CFAP70: variants seen among roughly 807,000 people sequenced by gnomAD.
CFAP70 encodes the protein cilia- and flagella-associated protein 70.
In CFAP70, 81 loss-of-function variants were observed where a neutral mutation model predicts 137.6. The observed-to-expected ratio is 0.59, with a 90% CI of 0.49 to 0.71. The LOEUF is 0.71. CFAP70 is among the 30% of genes least tolerant of loss of function. The pLI is 0.00. For synonymous variants in CFAP70, 382 were observed against 423.6 expected (o/e 0.90, Z 1.20); for missense variants, 976 against 1,226.7 (o/e 0.80, Z 3.05).
At chr10:73,323,804 A>C (rs2051116813) in intron 8 of CFAP70, among the ~76,000 whole-genome samples, 2 of 152,228 alleles carry the variant, frequency 1.3e-5, no homozygotes, top group Non-Finnish European at 2.9e-5. Context: ...AGGCTTGCTT[A>C]GGTAAACAAA....
intron 9 of CFAP70, among the ~76,000 whole-genome samples, chr10:73,315,769 T>G (rs2050290174): frequency 6.6e-6 from 1 of 152,180 alleles, no homozygotes; most frequent in Non-Finnish European, 1.5e-5. Flanking sequence ...TTTTGCCATT[T>G]TGCCAGGCTG....
At chr10:73,358,618 G>A (rs1486798727) in intron 1 of CFAP70, 160 bp downstream of exon 1, 1 of 152,514 alleles carries the variant, frequency 6.6e-6, no homozygotes, top group Non-Finnish European at 1.5e-5. Context: ...TTAGCTAAGG[G>A]AGCAGAAGAT....
chr10:73,298,446 T>C (rs1814498300), intron 14 of CFAP70, among the ~76,000 whole-genome samples: 1 of 152,212 alleles, frequency 6.6e-6, no homozygotes, highest in South Asian at 2.1e-4. Context: ...AAGTAAAATG[T>C]AATGCCAGTA....
intron 3 of CFAP70, among the ~76,000 whole-genome samples, chr10:73,352,552 G>A (rs904402337): frequency 1.3e-5 from 2 of 151,916 alleles, no homozygotes; most frequent in African/African-American, 2.4e-5. Context: ...GGATATATAA[G>A]GCAAAAAGAA....
At chr10:73,327,726 T>C (rs186769009) in intron 8 of CFAP70, among the ~76,000 whole-genome samples, 22,769 of 151,158 alleles carry the variant, frequency 0.15, 2,811 homozygotes, top group African/African-American at 0.32. Flanking sequence ...CATGAGTGAA[T>C]TCCCATTCAC....
intron 3 of CFAP70, among the ~76,000 whole-genome samples, chr10:73,351,071 G>GTATATATATATATA (rs1158760266): frequency 1.6e-4 from 5 of 31,380 alleles, no homozygotes; most frequent in Non-Finnish European, 3.4e-4. Context: ...GTGTGTGTGT[G>GTATATATATATATA]TATATATATA....
chr10:73,310,274 A>T, intron 11 of CFAP70, 25 bp from the exon 13 acceptor site: 1 of 1,521,484 alleles, frequency 6.6e-7, no homozygotes, highest in Non-Finnish European at 9.0e-7. Flanking sequence ...TTTTCTTATT[A>T]TTTCCAGAAA....
intron 15 of CFAP70, chr10:73,295,056 GC>G (rs1423286508): frequency 6.6e-6 from 1 of 152,314 alleles, no homozygotes; most frequent in Non-Finnish European, 1.5e-5. Flanking sequence ...GGTGGCTCAT[GC>G]CTGTAATCCC....
At chr10:73,255,172 G>A (rs1471751264) in intron 26 of CFAP70, among the ~76,000 whole-genome samples, 10 of 152,240 alleles carry the variant, frequency 6.6e-5, no homozygotes, top group Middle Eastern at 3.4e-3. Context: ...GCCGAGGCGG[G>A]GGGATCACAA....
At chr10:73,269,783 A>G (rs1002042309) in intron 24 of CFAP70, 68 bp from the exon 26 acceptor site, 4 of 880,674 alleles carry the variant, frequency 4.5e-6, no homozygotes, top group Non-Finnish European at 7.7e-6. Context: ...ATACTGGTGT[A>G]TATGACCTAT....
At chr10:73,340,639 C>T (rs1388068496) in intron 6 of CFAP70, among the ~76,000 whole-genome samples, 1 of 152,226 alleles carries the variant, frequency 6.6e-6, no homozygotes. Context: ...CCCTCAGTGG[C>T]CCCTCGGACT....
intron 2 of CFAP70, 82 bp from the exon 3 acceptor site, chr10:73,353,824 G>A: frequency 7.5e-7 from 1 of 1,330,828 alleles, no homozygotes; most frequent in East Asian, 2.4e-5. Context: ...TTTGATTTGG[G>A]CTAAATAGCA....
intron 12 of CFAP70, among the ~76,000 whole-genome samples, chr10:73,307,915 C>T (rs1460198246): frequency 6.0e-5 from 9 of 149,826 alleles, no homozygotes; most frequent in Non-Finnish European, 8.9e-5. Flanking sequence ...GAGGCTGAGG[C>T]GGGCAGATTG....
intron 1 of CFAP70, among the ~76,000 whole-genome samples, chr10:73,355,365 T>C (rs1336322757): frequency 6.6e-6 from 1 of 152,184 alleles, no homozygotes; most frequent in Non-Finnish European, 1.5e-5. Context: ...GTGCACTCCT[T>C]ATAAGAATCG....
chr10:73,267,718 T>C (rs896304309), intron 25 of CFAP70, among the ~76,000 whole-genome samples: 1 of 152,240 alleles, frequency 6.6e-6, no homozygotes, highest in Non-Finnish European at 1.5e-5. Context: ...AGTTCTTTGC[T>C]TAGGGTCTCA....
At chr10:73,296,600 CCAGT>C (rs1564801487) in intron 15 of CFAP70, 2 of 152,962 alleles carry the variant, frequency 1.3e-5, no homozygotes. Flanking sequence ...CAGCAGACCA[CCAGT>C]CAAACAGAAA....
At chr10:73,307,374 TTAAATGTAAA>T (rs2049470967) in intron 12 of CFAP70, among the ~76,000 whole-genome samples, 1 of 152,152 alleles carries the variant, frequency 6.6e-6, no homozygotes, top group Non-Finnish European at 1.5e-5. Context: ...AGTAATCACA[TTAAATGTAAA>T]TGGATTAAAC....
intron 6 of CFAP70, among the ~76,000 whole-genome samples, chr10:73,340,723 C>T (rs150165137): frequency 6.6e-6 from 1 of 152,204 alleles, no homozygotes; most frequent in African/African-American, 2.4e-5. Context: ...TCAGCACTTC[C>T]CTGAGCACAT....
intron 25 of CFAP70, among the ~76,000 whole-genome samples, chr10:73,266,695 ATAAT>A (rs1439396403): frequency 1.3e-5 from 2 of 152,176 alleles, no homozygotes; most frequent in African/African-American, 2.4e-5. Flanking sequence ...AGTTTTTAAA[ATAAT>A]TAATAGAATA....
Sources: gnomAD v4.1 joint callset for allele counts (sites outside exome capture counted in the v4.1 genomes callset) on GRCh38, gnomAD v4.1.1 for gene constraint, MANE v1.5 for transcripts, NCBI Gene and HGNC (gene_info 2026-07-23, HGNC 2026-07-21) for gene names.